Variants in COL9A2 observed in about 807,000 individuals in gnomAD.
COL9A2 encodes the protein collagen type IX alpha 2 chain, also known as collagen alpha-2(IX) chain.
COL9A2 carries 66 observed loss-of-function variants against 111.6 expected under a neutral mutation model. That is an observed-to-expected ratio of 0.59 (90% CI 0.48 to 0.73). The LOEUF is 0.73. Among genes scored for constraint, COL9A2 ranks in the 30% least tolerant of loss-of-function variants. The probability of loss-of-function intolerance (pLI) is 0.00; values close to 1 mark genes in which losing one functional copy is unlikely to be tolerated. For synonymous variants in COL9A2, 353 were observed against 364.1 expected, an observed-to-expected ratio of 0.97 and a Z score of 0.35; for missense variants, 881 against 954.1, an observed-to-expected ratio of 0.92 and a Z score of 1.01.
In COL9A2 at chr1:40,311,002, A is replaced by G; in HGVS notation, c.630+91T>C. 2 of 1,522,574 alleles carry G rather than the reference A, an allele frequency of 1.3e-6. No individual in the cohort carries two copies. Among genetic ancestry groups the G allele is most frequent in the Admixed American group, 1.7e-5 (1 of 59,792 alleles). The allele number at this position is 1,522,574 out of a possible 1,614,324, so 94.3% of individuals were successfully genotyped here. On this transcript the variant is annotated intron_variant, in intron 12 of 31. Coordinates refer to ENST00000372748, the MANE Select transcript of COL9A2 (RefSeq NM_001852.4). This position sits in a 1 kb window ranked among gnomAD's most constrained non-coding sequence, Gnocchi z 5.1. Reference sequence around the variant, plus strand: ...TCAAGGCTCTGTCCCCAGAACCCACAGGGGAAGGGGAAGGGACGAAGAAGG... The same window carrying G: ...TCAAGGCTCTGTCCCCAGAACCCACGGGGGAAGGGGAAGGGACGAAGAAGG...
At position 40,311,452 on chromosome 1, in the gene COL9A2, G is replaced by A; in HGVS notation, c.519+48C>T. 1 of 1,443,386 alleles carries A rather than the reference G, an allele frequency of 6.9e-7. No individual in the cohort carries two copies. The highest frequency in any genetic ancestry group is 1.2e-5 in the South Asian group (1 of 85,772). 89.4% of individuals were successfully genotyped at this position (1,443,386 alleles called of 1,614,324 possible). On this transcript the variant is annotated intron_variant, in intron 10 of 31. Coordinates refer to ENST00000372748, the MANE Select transcript of COL9A2 (RefSeq NM_001852.4). This position sits in a 1 kb window ranked among gnomAD's most constrained non-coding sequence, Gnocchi z 5.1. ...TCCGTGGCCCCGCCTCCCCATCTCTGTGGCCCCGCCCCCCTGTGTTAGCCC... is the reference window on the plus strand; with the variant it reads ...TCCGTGGCCCCGCCTCCCCATCTCTATGGCCCCGCCCCCCTGTGTTAGCCC...
Position 40,307,659 on chromosome 1 carries a change from A to G in COL9A2, c.954+44T>C. On this transcript the variant is annotated intron_variant, in intron 18 of 31. Transcript: ENST00000372748. This position sits in a 1 kb window ranked among gnomAD's most constrained non-coding sequence, Gnocchi z 4.8. ...CTTGGTGTCTAGAATCCAGGACTCA[A>G]GGTCCTGCCCCTGCCCCAGTCCCAT... 1.2e-6 allele frequency: 2 copies of G among 1,608,770 alleles called. No individual in the cohort carries two copies. The highest frequency in any genetic ancestry group is 2.7e-5 in the African/African-American group (2 of 74,906).
In COL9A2 at chr1:40,312,535, C is replaced by T; in HGVS notation, c.339+39G>A. 6.2e-7 allele frequency: 1 copy of T among 1,614,030 alleles called. No individual in the cohort carries two copies. Among genetic ancestry groups the T allele is most frequent in the Non-Finnish European group, 8.5e-7 (1 of 1,179,970 alleles). ...TGGCTCCCTCTGCAGGTCCCCTCTC[C>T]CCCAAGAGTCCCTCGAAGCCCTTGC... is the stretch of plus-strand genomic sequence containing the variant. On this transcript the variant is annotated intron_variant, in intron 6 of 31. Transcript: ENST00000372748. This position sits in a 1 kb window ranked among gnomAD's most constrained non-coding sequence, Gnocchi z 6.0.
intron 16 of COL9A2, among the ~76,000 whole-genome samples, chr1:40,309,433 GGA>G (rs1557799817): frequency 1.4e-5 from 2 of 143,810 alleles, no homozygotes; most frequent in African/African-American, 2.6e-5. Context: ...CTATTAATTG[GGA>G]AAAAAAAAAA....
chr1:40,305,880 G>C, intron 20 of COL9A2, 112 bp from the exon 21 acceptor site: 1 of 973,224 alleles, frequency 1.0e-6, no homozygotes, highest in Non-Finnish European at 1.6e-6. Context: ...TGGGACGGGG[G>C]AGAGGGTATT....
At position 40,316,767 on chromosome 1, in the gene COL9A2, G is replaced by A; in HGVS notation, c.75+356C>T. The A allele has an allele frequency of 2.7e-6, 1 of 371,088 alleles. No homozygotes were observed. 23.0% of individuals were successfully genotyped at this position (371,088 alleles called of 1,614,324 possible). On this transcript the variant is annotated intron_variant, in intron 1 of 31. Transcript: ENST00000372748. The surrounding 1 kb of genome is among the most constrained non-coding windows in gnomAD (Gnocchi z 5.5). ...GGTTGGAGCCGGCGCCCCCTGGGAG[G>A]CGGCGGGGGCGGAGGCTGCGCAGCG... is the stretch of plus-strand genomic sequence containing the variant.
intron 22 of COL9A2, 93 bp from the exon 23 acceptor site, chr1:40,304,622 C>T: frequency 6.7e-7 from 1 of 1,492,724 alleles, no homozygotes. Flanking sequence ...AGGGTGCCCT[C>T]CATTCCTGCT....
Position 40,314,912 on chromosome 1 carries a change from C to A in COL9A2, c.151-525G>T, listed in dbSNP as rs559005775. Among the ~76,000 whole-genome samples, 11 of 152,122 alleles carry A rather than the reference C, an allele frequency of 7.2e-5. No homozygotes were observed. The East Asian group carries it at 1.7e-3, about 24-fold the overall frequency. Reference sequence around the variant, plus strand: ...GGACCTCCTTCCAGTGCCAAAGGACCCTTGGTGGTGGGCAGGCAGGGCCGG... The same window carrying A: ...GGACCTCCTTCCAGTGCCAAAGGACACTTGGTGGTGGGCAGGCAGGGCCGG... On this transcript the variant is annotated intron_variant, in intron 2 of 31. Coordinates refer to ENST00000372748, the MANE Select transcript of COL9A2 (RefSeq NM_001852.4). This position sits in a 1 kb window ranked among gnomAD's most constrained non-coding sequence, Gnocchi z 4.1.
rs1644229670 is a variant in COL9A2, at chr1:40,316,993, G to A, written c.75+130C>T. 1 of 898,140 alleles carries A rather than the reference G, an allele frequency of 1.1e-6. No individual in the cohort carries two copies. Among genetic ancestry groups the A allele is most frequent in the Non-Finnish European group, 1.8e-6 (1 of 553,618 alleles). 55.6% of individuals were successfully genotyped at this position (898,140 alleles called of 1,614,324 possible). ...ATGCACCCACCGAGGGGACCTGCCCGCGGCGCTGTCCTCAGGTGGCCTCTC... is the reference window on the plus strand; with the variant it reads ...ATGCACCCACCGAGGGGACCTGCCCACGGCGCTGTCCTCAGGTGGCCTCTC... On this transcript the variant is annotated intron_variant, in intron 1 of 31. Transcript: ENST00000372748. The surrounding 1 kb of genome is among the most constrained non-coding windows in gnomAD (Gnocchi z 5.5).
In COL9A2 at chr1:40,304,402, A is replaced by G. The variant is rs752880403; in HGVS notation, c.1216-11T>C. 6 of 1,607,810 alleles carry G rather than the reference A, an allele frequency of 3.7e-6. No homozygotes were observed. In the East Asian group the frequency reaches 6.7e-5, roughly 18 times the overall value. On this transcript the variant is annotated splice_polypyrimidine_tract_variant and intron_variant, in intron 23 of 31. Transcript: ENST00000372748. ...CTCCCCCTTAGGGCCCTGAGGAGAA[A>G]AGAAACCAAAGGAATAAATGGAATG... is the stretch of plus-strand genomic sequence containing the variant.
intron 19 of COL9A2, 144 bp from the exon 20 acceptor site, chr1:40,306,331 A>G: frequency 1.2e-6 from 1 of 851,698 alleles, no homozygotes; most frequent in Non-Finnish European, 1.9e-6. Flanking sequence ...TGATGAACTT[A>G]ACTGTACATT....
chr1:40,308,971 C>T (rs751309148), intron 16 of COL9A2, among the ~76,000 whole-genome samples: 6 of 152,110 alleles, frequency 3.9e-5, no homozygotes, highest in Non-Finnish European at 7.4e-5. Context: ...TATTGCTGGG[C>T]GTGTTGGCTC....
At position 40,302,954 on chromosome 1, in the gene COL9A2, G is replaced by A. The variant is rs1018478651; in HGVS notation, c.1604-145C>T. Reference sequence around the variant, plus strand: ...CCACCTTCCGTGGGCTCTGTTTTGCGGAAGTCAAAGGCCCAGAGTGACTTA... The same window carrying A: ...CCACCTTCCGTGGGCTCTGTTTTGCAGAAGTCAAAGGCCCAGAGTGACTTA... On this transcript the variant is annotated intron_variant, in intron 29 of 31. Transcript: ENST00000372748. The surrounding 1 kb of genome is among the most constrained non-coding windows in gnomAD (Gnocchi z 4.5). 9.1e-6 allele frequency: 10 copies of A among 1,104,826 alleles called. No individual in the cohort carries two copies. Among genetic ancestry groups the A allele is most frequent in the African/African-American group, 6.2e-5 (4 of 64,618 alleles). 68.4% of individuals were successfully genotyped at this position (1,104,826 alleles called of 1,614,324 possible).
intron 2 of COL9A2, chr1:40,315,160 G>T: frequency 1.1e-6 from 1 of 931,114 alleles, no homozygotes; most frequent in Non-Finnish European, 1.3e-6. Context: ...ATTCTAAATC[G>T]GGGAGAGAAA....
rs752669612 is a variant in COL9A2 at position 40,315,635 on chromosome 1, C to A, written c.105G>T (p.Pro35=). The part of the protein sequence containing the change: ...IRGPPGERGP[P]GPPGPPGVPG... Reference sequence around the variant, plus strand: ...GCACTCCCGGCGGTCCCGGGGGACCCGGGGGGCCCCGCTCTCCCGGTGGAC... The same window carrying A: ...GCACTCCCGGCGGTCCCGGGGGACCAGGGGGGCCCCGCTCTCCCGGTGGAC... The change falls in exon 2 of 32, where the codon CCG becomes CCT. Residue 35 remains proline, a synonymous_variant. Coordinates refer to ENST00000372748, the MANE Select transcript of COL9A2 (RefSeq NM_001852.4). 1.3e-6 allele frequency: 2 copies of A among 1,553,768 alleles called. No individual in the cohort carries two copies. Among genetic ancestry groups the A allele is most frequent in the East Asian group, 2.4e-5 (1 of 41,644 alleles).
In COL9A2 at chr1:40,305,747, G is replaced by GGCCCTGCGGGCCCGGCTC. The variant is rs779859484; in HGVS notation, c.1057_1074dup (p.Glu353_Gly358dup). Reference sequence around the variant, plus strand: ...CCAGGGGGACCAGAGAATCCAGGAAGGCCCTGCGGGCCCGGCTCACCCTGC... The same window carrying GGCCCTGCGGGCCCGGCTC: ...CCAGGGGGACCAGAGAATCCAGGAAGGCCCTGCGGGCCCGGCTCGCCCTGCGGGCCCGGCTCACCCTGC... On this transcript the variant is annotated inframe_insertion, in exon 21 of 32. Transcript: ENST00000372748. The GGCCCTGCGGGCCCGGCTC allele has an allele frequency of 3.1e-6, 5 of 1,614,008 alleles. No homozygotes were observed. In the Admixed American group the frequency reaches 8.3e-5, roughly 27 times the overall value.
Position 40,303,307 on chromosome 1 carries a change from G to C in COL9A2, c.1549-122C>G. The C allele has an allele frequency of 8.4e-7, 1 of 1,191,938 alleles. No homozygotes were observed. The highest frequency in any genetic ancestry group is 2.6e-5 in the East Asian group (1 of 39,060). 73.8% of individuals were successfully genotyped at this position (1,191,938 alleles called of 1,614,324 possible). A position where few individuals can be genotyped will look rare whatever the true frequency, so the allele number is the denominator to read the frequency against. ...CTGGTGTTGAGTCATTAATTCCCAA[G>C]CTGAGGAACAGATTGTACCTGGGCA... is the stretch of plus-strand genomic sequence containing the variant. On this transcript the variant is annotated intron_variant, in intron 28 of 31. Coordinates refer to ENST00000372748, the MANE Select transcript of COL9A2 (RefSeq NM_001852.4). The surrounding 1 kb of genome is among the most constrained non-coding windows in gnomAD (Gnocchi z 4.6).
In COL9A2 at chr1:40,303,527, C is replaced by T. The variant is rs2124045834; in HGVS notation, c.1548+3G>A. The T allele has an allele frequency of 6.2e-7, 1 of 1,612,790 alleles. No individual in the cohort carries two copies. Among genetic ancestry groups the T allele is most frequent in the African/African-American group, 1.3e-5 (1 of 74,986 alleles). Reference sequence around the variant, plus strand: ...GCACCTCCTACCCCGGGGCCCGACTCACCTCCACGCCCTGTCTCCCGGGCT... The same window carrying T: ...GCACCTCCTACCCCGGGGCCCGACTTACCTCCACGCCCTGTCTCCCGGGCT... On this transcript the variant is annotated splice_donor_region_variant and intron_variant, in intron 28 of 31. Transcript: ENST00000372748. The surrounding 1 kb of genome is among the most constrained non-coding windows in gnomAD (Gnocchi z 4.6).
Position 40,317,046 on chromosome 1 carries a change from C to A in COL9A2, c.75+77G>T. On this transcript the variant is annotated intron_variant, in intron 1 of 31. Transcript: ENST00000372748. This position sits in a 1 kb window ranked among gnomAD's most constrained non-coding sequence, Gnocchi z 4.3. ...GCTAGGGGTGTCAGTAGGCGCGGGA[C>A]ACAGGCAGAGCTCCTCCATCCCGGA... 7.0e-7 allele frequency: 1 copy of A among 1,422,934 alleles called. No individual in the cohort carries two copies. The highest frequency in any genetic ancestry group is 2.5e-5 in the East Asian group (1 of 40,296). The allele number at this position is 1,422,934 out of a possible 1,614,324, so 88.1% of individuals were successfully genotyped here.
Sources: gnomAD v4.1 joint callset for allele counts (sites outside exome capture counted in the v4.1 genomes callset) on GRCh38, gnomAD v4.1.1 for gene constraint, Gnocchi (gnomAD v3.1) non-coding constraint, MANE v1.5 for transcripts, NCBI Gene and HGNC (gene_info 2026-07-23, HGNC 2026-07-21) for gene names.